The following TFDP1 variants were observed in gnomAD, a reference collection of about 807,000 sequenced individuals.
TFDP1 encodes the protein transcription factor Dp-1.
A neutral mutation model predicts 48.0 loss-of-function variants in TFDP1; 6 were observed. The observed-to-expected ratio is 0.13, with a 90% CI of 0.07 to 0.25. The LOEUF (loss-of-function observed/expected upper bound fraction) is 0.25, where lower values mean the gene tolerates loss of function less well. Among genes scored for constraint, TFDP1 ranks in the 10% least tolerant of loss-of-function variants. The pLI is 1.00. For missense variants in TFDP1, 335 were observed against 543.0 expected, an observed-to-expected ratio of 0.62 and a Z score of 3.81; for synonymous variants, 201 against 211.6, an observed-to-expected ratio of 0.95 and a Z score of 0.44.
chr13:113,598,422 G>C lies in TFDP1; in HGVS notation c.12+12573G>C, dbSNP rs2048335550. Among the ~76,000 whole-genome samples, 2 of 152,286 alleles carry C rather than the reference G, an allele frequency of 1.3e-5. No individual in the cohort carries two copies. Among genetic ancestry groups the C allele is most frequent in the Admixed American group, 6.5e-5 (1 of 15,294 alleles). On this transcript the variant is annotated intron_variant, in intron 2 of 11. Coordinates refer to ENST00000375370, the MANE Select transcript of TFDP1 (RefSeq NM_007111.5). The surrounding 1 kb of genome is among the most constrained non-coding windows in gnomAD (Gnocchi z 4.2). ...TATAGATTAGAGCAGCCTCTCCTGG[G>C]AGAGGGATGCTGGGTGCCTGCCTTC...
rs2049539182 is a variant in TFDP1, at chr13:113,638,000, C to A, written c.1085+104C>A. 3 of 1,464,912 alleles carry A rather than the reference C, an allele frequency of 2.0e-6. No individual in the cohort carries two copies. In the African/African-American group the frequency reaches 4.2e-5, roughly 21 times the overall value. 90.7% of individuals were successfully genotyped at this position (1,464,912 alleles called of 1,614,324 possible). On this transcript the variant is annotated intron_variant, in intron 11 of 11. Transcript: ENST00000375370. The stretch of plus-strand genomic sequence containing the variant: ...TCAGGTGTGGCCATCAGGTCTGTGG[C>A]TGCTCTGACGTGGCTTGTCTGTCCA...
intron 2 of TFDP1, among the ~76,000 whole-genome samples, chr13:113,608,090 C>CT (rs1372061706): frequency 6.6e-6 from 1 of 152,142 alleles, no homozygotes; most frequent in Non-Finnish European, 1.5e-5. Context: ...CTGTTGGGGC[C>CT]TGACTTGCTG....
intron 3 of TFDP1, among the ~76,000 whole-genome samples, chr13:113,618,207 C>T (rs892362474): frequency 1.3e-5 from 2 of 152,188 alleles, no homozygotes; most frequent in Admixed American, 1.3e-4. Context: ...ACACTCTACT[C>T]TACTTATATT....
intron 4 of TFDP1, among the ~76,000 whole-genome samples, chr13:113,624,198 C>T (rs2049063569): frequency 6.6e-6 from 1 of 152,154 alleles, no homozygotes; most frequent in Admixed American, 6.5e-5. Context: ...CTGGCCCACT[C>T]CACCCCCTCA....
rs773479354 is a variant in TFDP1, at chr13:113,623,567, G to A, written c.186+281G>A. Among the ~76,000 whole-genome samples the A allele has an allele frequency of 3.3e-5, 5 of 152,050 alleles. No individual in the cohort carries two copies. The highest frequency in any genetic ancestry group is 2.1e-4 in the South Asian group (1 of 4,828). On this transcript the variant is annotated intron_variant, in intron 4 of 11. Transcript: ENST00000375370. This position sits in a 1 kb window ranked among gnomAD's most constrained non-coding sequence, Gnocchi z 5.2. Reference sequence around the variant, plus strand: ...ACTGGAGGGTGGTGGGTGGGGCCGCGGCCCCAACCAGAGGCAGCTTCCTTT... The same window carrying A: ...ACTGGAGGGTGGTGGGTGGGGCCGCAGCCCCAACCAGAGGCAGCTTCCTTT...
intron 5 of TFDP1, among the ~76,000 whole-genome samples, chr13:113,632,439 C>T (rs2049361355): frequency 6.6e-6 from 1 of 152,204 alleles, no homozygotes; most frequent in African/African-American, 2.4e-5. Flanking sequence ...TGAAATTAGT[C>T]CTAAGAATTC....
At chr13:113,592,247 C>G (rs1343327248) in intron 2 of TFDP1, among the ~76,000 whole-genome samples, 1 of 152,222 alleles carries the variant, frequency 6.6e-6, no homozygotes, top group African/African-American at 2.4e-5. Flanking sequence ...CCTCTGTCTC[C>G]CGGGTTCAAG....
chr13:113,610,854 TC>T, intron 2 of TFDP1, 141 bp from the exon 3 acceptor site: 1 of 739,220 alleles, frequency 1.4e-6, no homozygotes, highest in East Asian at 2.5e-5. Flanking sequence ...TCCTGGTTGT[TC>T]CTGGAGTTGC....
chr13:113,599,772 TTG>T (rs2048365712), intron 2 of TFDP1, among the ~76,000 whole-genome samples: 1 of 152,070 alleles, frequency 6.6e-6, no homozygotes, highest in East Asian at 1.9e-4. Flanking sequence ...GAGAGAATCC[TTG>T]CACTTAGGGC....
chr13:113,617,168 T>C (rs567251991), intron 3 of TFDP1, among the ~76,000 whole-genome samples: 19 of 152,190 alleles, frequency 1.2e-4, no homozygotes, highest in Non-Finnish European at 2.8e-4. Context: ...GTGTGATTTG[T>C]GCAACGGAGG....
chr13:113,608,248 C>T (rs1046399763), intron 2 of TFDP1, among the ~76,000 whole-genome samples: 5 of 152,238 alleles, frequency 3.3e-5, no homozygotes, highest in African/African-American at 1.2e-4. Context: ...CGGGGCAGTG[C>T]GTTCCCAGTG....
intron 4 of TFDP1, among the ~76,000 whole-genome samples, chr13:113,626,583 C>T (rs1163644770): frequency 6.6e-6 from 1 of 151,852 alleles, no homozygotes; most frequent in South Asian, 2.1e-4. Context: ...GGTTCCAGAT[C>T]CCAGGCAGCT....
intron 4 of TFDP1, among the ~76,000 whole-genome samples, chr13:113,629,294 C>T (rs1286337743): frequency 3.9e-5 from 6 of 152,338 alleles, no homozygotes; most frequent in Non-Finnish European, 5.9e-5. Context: ...CCGTAAACAA[C>T]GCATTCCCAG....
chr13:113,585,093 G>A (rs1246710775), intron 1 of TFDP1, among the ~76,000 whole-genome samples: 1 of 146,798 alleles, frequency 6.8e-6, no homozygotes, highest in Non-Finnish European at 1.5e-5. Context: ...ACCGCGGGGC[G>A]GGGGTCCCGG....
chr13:113,607,199 T>G lies in TFDP1; in HGVS notation c.13-3797T>G, dbSNP rs1042529434. On this transcript the variant is annotated intron_variant, in intron 2 of 11. Transcript: ENST00000375370. The surrounding 1 kb of genome is among the most constrained non-coding windows in gnomAD (Gnocchi z 5.2). The stretch of plus-strand genomic sequence containing the variant: ...CAGGCGGCAGCGGCAGCACTGTTGC[T>G]GCGGCTGAGACAGCGCAGGGCGTCA... Among the ~76,000 whole-genome samples the G allele has an allele frequency of 6.6e-6, 1 of 152,194 alleles. No homozygotes were observed. The highest frequency in any genetic ancestry group is 2.4e-5 in the African/African-American group (1 of 41,440).
chr13:113,625,746 GGCGTCTCTCACGTGTCCTCA>G (rs2049145628), intron 4 of TFDP1, among the ~76,000 whole-genome samples: 7 of 111,684 alleles, frequency 6.3e-5, no homozygotes, highest in Admixed American at 6.2e-4. Flanking sequence ...CGTGTCCTCA[GGCGTCTCTCACGTGTCCTCA>G]GGCGTCTCTC....
intron 2 of TFDP1, among the ~76,000 whole-genome samples, chr13:113,603,489 T>C (rs552209066): frequency 6.6e-6 from 1 of 152,360 alleles, no homozygotes; most frequent in South Asian, 2.1e-4. Flanking sequence ...GCATGGAAAT[T>C]AGTCACATTC....
chr13:113,593,793 C>T (rs895249043), intron 2 of TFDP1, among the ~76,000 whole-genome samples: 19 of 122,514 alleles, frequency 1.6e-4, no homozygotes, highest in Non-Finnish European at 2.5e-4. Flanking sequence ...GCTGTGCACG[C>T]GTCCTCAGCT....
At chr13:113,635,866 G>A in intron 8 of TFDP1, 111 bp from the exon 9 acceptor site, 1 of 1,300,038 alleles carries the variant, frequency 7.7e-7, no homozygotes, top group Non-Finnish European at 1.1e-6. Flanking sequence ...AGATGTCCAG[G>A]CCAACTCCTC....
Sources: allele counts gnomAD v4.1 joint callset (sites outside exome capture counted in the v4.1 genomes callset), GRCh38; gene constraint gnomAD v4.1.1; non-coding constraint Gnocchi (gnomAD v3.1); transcripts MANE v1.5; gene names NCBI Gene and HGNC (gene_info 2026-07-23, HGNC 2026-07-21).